The following XKR4 variants were observed in gnomAD, a reference collection of about 807,000 sequenced individuals.
The protein encoded by XKR4 is XK related 4, also known as XK-related protein 4.
In XKR4, 12 loss-of-function variants were observed where a neutral mutation model predicts 53.9. The observed-to-expected ratio is 0.22, with a 90% CI of 0.14 to 0.36. XKR4 has a LOEUF of 0.36. XKR4 is among the 10% of genes least tolerant of loss of function. The pLI is 1.00. For missense variants in XKR4, 799 were observed against 859.5 expected, an observed-to-expected ratio of 0.93 and a Z score of 0.88; for synonymous variants, 354 against 362.4, an observed-to-expected ratio of 0.98 and a Z score of 0.26.
At chr8:55,450,025 A>G in intron 2 of XKR4, 1 of 784,168 alleles carries the variant, frequency 1.3e-6, no homozygotes, top group Non-Finnish European at 2.2e-6. Flanking sequence ...GGTGGACACT[A>G]GGAGGGAGCT....
At chr8:55,267,174 T>C (rs1289054773) in intron 1 of XKR4, among the ~76,000 whole-genome samples, 5 of 152,036 alleles carry the variant, frequency 3.3e-5, no homozygotes, top group Non-Finnish European at 5.9e-5. Context: ...ATGGAGCTAA[T>C]TCAGAGGCTT....
intron 1 of XKR4, among the ~76,000 whole-genome samples, chr8:55,212,445 G>A (rs916895222): frequency 3.9e-5 from 6 of 152,160 alleles, no homozygotes; most frequent in African/African-American, 1.2e-4. Flanking sequence ...TTGCTGGAAA[G>A]AGTCTGTTTG....
intron 1 of XKR4, among the ~76,000 whole-genome samples, chr8:55,191,282 C>T (rs983911916): frequency 6.6e-6 from 1 of 152,178 alleles, no homozygotes; most frequent in South Asian, 2.1e-4. Context: ...ATCGTGCAAC[C>T]ATCTTGAAAT....
At chr8:55,502,506 T>C (rs984890563) in intron 2 of XKR4, among the ~76,000 whole-genome samples, 2 of 152,218 alleles carry the variant, frequency 1.3e-5, no homozygotes, top group African/African-American at 4.8e-5. Context: ...TTTCATGTGC[T>C]TATTGGCCAT....
chr8:55,242,126 T>C (rs1159967691), intron 1 of XKR4, among the ~76,000 whole-genome samples: 1 of 152,198 alleles, frequency 6.6e-6, no homozygotes, highest in East Asian at 1.9e-4. Flanking sequence ...ATTAAATAAA[T>C]ACTTGCCTCA....
chr8:55,388,535 A>G (rs1804366267), intron 2 of XKR4, among the ~76,000 whole-genome samples: 1 of 152,220 alleles, frequency 6.6e-6, no homozygotes, highest in Admixed American at 6.5e-5. Flanking sequence ...CTCATTCATA[A>G]GTGGTGCCTT....
chr8:55,361,352 G>A (rs1447101848), intron 2 of XKR4, among the ~76,000 whole-genome samples: 2 of 152,108 alleles, frequency 1.3e-5, no homozygotes, highest in East Asian at 1.9e-4. Context: ...GACCCCACTC[G>A]ACCGCGGAGA....
intron 1 of XKR4, among the ~76,000 whole-genome samples, chr8:55,132,383 G>A (rs565124813): frequency 3.3e-5 from 5 of 152,216 alleles, no homozygotes; most frequent in Admixed American, 6.5e-5. Context: ...GTACCAAACC[G>A]TATATATACT....
At chr8:55,289,423 T>C (rs1373534888) in intron 1 of XKR4, among the ~76,000 whole-genome samples, 1 of 148,918 alleles carries the variant, frequency 6.7e-6, no homozygotes, top group African/African-American at 2.5e-5. Flanking sequence ...GCTGAGGCAG[T>C]AGAACTGCTT....
chr8:55,443,734 G>A (rs146402833), intron 2 of XKR4, among the ~76,000 whole-genome samples: 4 of 150,564 alleles, frequency 2.7e-5, no homozygotes, highest in East Asian at 3.9e-4. Flanking sequence ...CCAGCTACTC[G>A]GGAGACTGAG....
intron 1 of XKR4, among the ~76,000 whole-genome samples, chr8:55,236,624 T>G (rs543105324): frequency 3.9e-5 from 6 of 152,146 alleles, no homozygotes; most frequent in Non-Finnish European, 8.8e-5. Flanking sequence ...TTCAGCACCC[T>G]TGATAGACCT....
At chr8:55,251,673 T>C (rs1818364101) in intron 1 of XKR4, among the ~76,000 whole-genome samples, 1 of 152,180 alleles carries the variant, frequency 6.6e-6, no homozygotes, top group South Asian at 2.1e-4. Flanking sequence ...TCATTTCCTT[T>C]TAAGACAGTA....
intron 2 of XKR4, among the ~76,000 whole-genome samples, chr8:55,461,995 T>G (rs964667793): frequency 3.9e-5 from 6 of 152,036 alleles, no homozygotes; most frequent in African/African-American, 1.5e-4. Context: ...AATCTACATC[T>G]ACTTGGTGTA....
At chr8:55,397,512 A>G (rs1804539079) in intron 2 of XKR4, among the ~76,000 whole-genome samples, 1 of 151,876 alleles carries the variant, frequency 6.6e-6, no homozygotes, top group Non-Finnish European at 1.5e-5. Context: ...ACAGTCAGGA[A>G]CAACCAGGTT....
In XKR4 at chr8:55,102,662, C is replaced by A. The variant is rs2129350014; in HGVS notation, c.174C>A (p.Gly58=). Residue 58 remains glycine (G), a synonymous_variant, in exon 1 of 3, where the codon GGC becomes GGA. Transcript: ENST00000327381. The surrounding 1 kb of genome is among the most constrained non-coding windows in gnomAD (Gnocchi z 5.1). ...EAAGGGCCPD[G]GGCSRCCCCC... ...CCGGGGGCGGCTGCTGCCCGGACGGCGGCGGCTGCTCGCGCTGCTGCTGCT... is the reference window on the plus strand; with the variant it reads ...CCGGGGGCGGCTGCTGCCCGGACGGAGGCGGCTGCTCGCGCTGCTGCTGCT... The A allele has an allele frequency of 7.9e-7, 1 of 1,262,878 alleles. No individual in the cohort carries two copies. The highest frequency in any genetic ancestry group is 1.0e-6 in the Non-Finnish European group (1 of 994,760). 78.2% of individuals were successfully genotyped at this position (1,262,878 alleles called of 1,614,324 possible).
chr8:55,145,843 G>A (rs574150668), intron 1 of XKR4, among the ~76,000 whole-genome samples: 10 of 152,310 alleles, frequency 6.6e-5, no homozygotes, highest in Non-Finnish European at 1.5e-4. Flanking sequence ...ATGCATAGCA[G>A]CCCGCCAGTT....
intron 2 of XKR4, among the ~76,000 whole-genome samples, chr8:55,364,158 C>G (rs1003017476): frequency 6.6e-6 from 1 of 152,168 alleles, no homozygotes; most frequent in Non-Finnish European, 1.5e-5. Context: ...AGCCGTGTGT[C>G]CATTGTCAGA....
chr8:55,192,248 A>G (rs1182277149), intron 1 of XKR4, among the ~76,000 whole-genome samples: 13 of 144,986 alleles, frequency 9.0e-5, no homozygotes, highest in Admixed American at 8.9e-4. Context: ...ACTTTGTTGA[A>G]ATCCTGTGCT....
intron 2 of XKR4, among the ~76,000 whole-genome samples, chr8:55,413,480 C>A (rs1804803538): frequency 6.6e-6 from 1 of 152,184 alleles, no homozygotes; most frequent in Non-Finnish European, 1.5e-5. Flanking sequence ...CCTGCCTTGG[C>A]CTCCCAAAGT....
Sources: gnomAD v4.1 joint callset for allele counts (sites outside exome capture counted in the v4.1 genomes callset) on GRCh38, gnomAD v4.1.1 for gene constraint, Gnocchi (gnomAD v3.1) non-coding constraint, MANE v1.5 for transcripts, NCBI Gene and HGNC (gene_info 2026-07-23, HGNC 2026-07-21) for gene names.